Variants in ANXA4 observed in about 807,000 individuals in gnomAD.
ANXA4 encodes annexin A4, also known as 35-beta calcimedin.
ANXA4 carries 39 observed loss-of-function variants against 49.8 expected under a neutral mutation model. That is an observed-to-expected ratio of 0.78 (90% CI 0.61 to 1.02). ANXA4 has a LOEUF of 1.02. ANXA4 is among the 50% of genes least tolerant of loss of function. The probability of loss-of-function intolerance (pLI) is 0.00; values close to 1 mark genes in which losing one functional copy is unlikely to be tolerated. For synonymous variants in ANXA4, 134 were observed against 152.5 expected (o/e 0.88, Z 0.89); for missense variants, 360 against 410.1 (o/e 0.88, Z 1.05).
intron 2 of ANXA4, among the ~76,000 whole-genome samples, chr2:69,675,239 C>T (rs1446855914): frequency 6.6e-6 from 1 of 152,070 alleles, no homozygotes; most frequent in Non-Finnish European, 1.5e-5. Flanking sequence ...TTTTTATTTT[C>T]CTCAGTCATC....
chr2:69,823,565 T>C (rs1404545655), intron 12 of ANXA4, among the ~76,000 whole-genome samples: 1 of 151,924 alleles, frequency 6.6e-6, no homozygotes, highest in Non-Finnish European at 1.5e-5. Context: ...AAAGCGGAGA[T>C]TATGCTATTA....
At chr2:69,753,299 G>A (rs1188092690) in intron 1 of ANXA4, among the ~76,000 whole-genome samples, 1 of 152,156 alleles carries the variant, frequency 6.6e-6, no homozygotes, top group African/African-American at 2.4e-5. Context: ...ACTTGCATAA[G>A]AATCAGGGCC....
chr2:69,798,605 C>T (rs7561890), intron 3 of ANXA4, among the ~76,000 whole-genome samples: 34,283 of 152,122 alleles, frequency 0.23, 4,263 homozygotes, highest in African/African-American at 0.33. Flanking sequence ...CCAACATTCC[C>T]GGCACCCTGA....
intron 2 of ANXA4, among the ~76,000 whole-genome samples, chr2:69,708,698 C>G (rs764644407): frequency 6.6e-6 from 1 of 152,142 alleles, no homozygotes; most frequent in Non-Finnish European, 1.5e-5. Flanking sequence ...CCTTTCCTCT[C>G]TGAAGATGGT....
upstream of ANXA4, among the ~76,000 whole-genome samples, chr2:69,738,382 G>A (rs558117609): frequency 5.0e-4 from 76 of 152,202 alleles, no homozygotes; most frequent in East Asian, 2.5e-3. Flanking sequence ...GGAGCCAAGC[G>A]GGAAGAATAC....
intron 1 of ANXA4, among the ~76,000 whole-genome samples, chr2:69,757,475 A>G (rs1290545352): frequency 7.1e-6 from 1 of 140,454 alleles, no homozygotes; most frequent in African/African-American, 2.7e-5. Context: ...GGGTTTCACC[A>G]TGTTAGCCAA....
chr2:69,655,306 G>A (rs1465742432), intron 2 of ANXA4, among the ~76,000 whole-genome samples: 1 of 151,996 alleles, frequency 6.6e-6, no homozygotes, highest in Non-Finnish European at 1.5e-5. Context: ...CCCAGAATCT[G>A]CAAGGAACTC....
intron 2 of ANXA4, among the ~76,000 whole-genome samples, chr2:69,719,133 C>T (rs977619152): frequency 6.6e-6 from 1 of 151,746 alleles, no homozygotes; most frequent in Non-Finnish European, 1.5e-5. Context: ...CCTGCCACCA[C>T]GCCCAGCTAA....
At chr2:69,766,585 G>A (rs974024688) in intron 1 of ANXA4, among the ~76,000 whole-genome samples, 8 of 152,148 alleles carry the variant, frequency 5.3e-5, no homozygotes, top group South Asian at 2.1e-4. Context: ...AGAAGTTTCC[G>A]TTTATCTGAA....
At chr2:69,665,698 A>T (rs1264970021) in intron 2 of ANXA4, among the ~76,000 whole-genome samples, 1 of 152,200 alleles carries the variant, frequency 6.6e-6, no homozygotes, top group African/African-American at 2.4e-5. Flanking sequence ...ACTGTAGCTG[A>T]ATCCAAAGCT....
At chr2:69,699,098 A>C (rs1678252291) in intron 2 of ANXA4, among the ~76,000 whole-genome samples, 1 of 152,114 alleles carries the variant, frequency 6.6e-6, no homozygotes, top group Admixed American at 6.5e-5. Flanking sequence ...GGAGGATGTG[A>C]TGGTCTTTGC....
chr2:69,647,049 C>T (rs1261546023), intron 1 of ANXA4, among the ~76,000 whole-genome samples: 1 of 152,230 alleles, frequency 6.6e-6, no homozygotes, highest in Non-Finnish European at 1.5e-5. Context: ...ACATATGTAA[C>T]ATGCATGTTT....
At chr2:69,672,991 C>T (rs578160130) in intron 2 of ANXA4, among the ~76,000 whole-genome samples, 10 of 151,758 alleles carry the variant, frequency 6.6e-5, no homozygotes, top group East Asian at 1.9e-4. Context: ...GTTAGAATGG[C>T]GATCATTAAA....
chr2:69,744,627 A>G (rs1559134071), intron 1 of ANXA4, among the ~76,000 whole-genome samples: 1 of 152,112 alleles, frequency 6.6e-6, no homozygotes, highest in Non-Finnish European at 1.5e-5. Flanking sequence ...CACTCATCCT[A>G]GGCTGTCTTA....
chr2:69,670,837 C>A (rs192143273), intron 2 of ANXA4, among the ~76,000 whole-genome samples: 1 of 151,766 alleles, frequency 6.6e-6, no homozygotes, highest in Non-Finnish European at 1.5e-5. Flanking sequence ...CCAGCCTGAG[C>A]AACATAGTGA....
chr2:69,657,781 T>C (rs1676560474), intron 2 of ANXA4, among the ~76,000 whole-genome samples: 2 of 152,210 alleles, frequency 1.3e-5, no homozygotes, highest in Admixed American at 6.5e-5. Context: ...AGTATATGTA[T>C]AATACAAATT....
At chr2:69,796,502 A>G (rs536696476) in intron 3 of ANXA4, among the ~76,000 whole-genome samples, 246 of 152,368 alleles carry the variant, frequency 1.6e-3, no homozygotes, top group Middle Eastern at 3.4e-3. Context: ...TAGAAGCAAC[A>G]TAACAGCTCT....
intron 1 of ANXA4, among the ~76,000 whole-genome samples, chr2:69,745,284 G>T (rs2105476546): frequency 6.6e-6 from 1 of 152,264 alleles, no homozygotes; most frequent in Admixed American, 6.5e-5. Context: ...CCATAGGCTG[G>T]GTGGCCTTGA....
At chr2:69,722,463 C>T (rs1559111418) in intron 3 of ANXA4, among the ~76,000 whole-genome samples, 2 of 152,084 alleles carry the variant, frequency 1.3e-5, no homozygotes, top group South Asian at 2.1e-4. Flanking sequence ...CTGACACATG[C>T]GGCAACATGG....
Sources: gnomAD v4.1 joint callset for allele counts (sites outside exome capture counted in the v4.1 genomes callset) on GRCh38, gnomAD v4.1.1 for gene constraint, MANE v1.5 for transcripts, NCBI Gene and HGNC (gene_info 2026-07-23, HGNC 2026-07-21) for gene names.